Variants in FBXW7 observed in about 807,000 individuals in gnomAD.
The protein encoded by FBXW7 is F-box/WD repeat-containing protein 7.
In FBXW7, 11 loss-of-function variants were observed where a neutral mutation model predicts 86.3. The ratio of observed to expected loss-of-function variants is 0.13; its 90% confidence interval spans 0.08 to 0.21. The LOEUF (loss-of-function observed/expected upper bound fraction) is 0.21, where lower values mean the gene tolerates loss of function less well. Among genes scored for constraint, FBXW7 ranks in the 10% least tolerant of loss-of-function variants. The probability of loss-of-function intolerance (pLI) is 1.00; values close to 1 mark genes in which losing one functional copy is unlikely to be tolerated. For synonymous variants in FBXW7, 313 were observed against 297.9 expected (o/e 1.05, Z -0.52); for missense variants, 488 against 847.4 (o/e 0.58, Z 5.27).
intron 4 of FBXW7, among the ~76,000 whole-genome samples, chr4:152,378,920 C>A (rs1260441805): frequency 6.6e-6 from 1 of 152,102 alleles, no homozygotes; most frequent in Non-Finnish European, 1.5e-5. Context: ...GTGGGAGGAT[C>A]TCTTGCACCC....
intron 2 of FBXW7, among the ~76,000 whole-genome samples, chr4:152,493,224 G>A (rs1746026655): frequency 1.3e-5 from 2 of 151,946 alleles, no homozygotes; most frequent in African/African-American, 4.8e-5. Flanking sequence ...GAGTGCAGTG[G>A]CGCAATCTTG....
At chr4:152,352,761 G>A (rs1340439931) in intron 4 of FBXW7, 5 of 1,609,032 alleles carry the variant, frequency 3.1e-6, no homozygotes, top group South Asian at 1.1e-5. Context: ...AGAAGAACTC[G>A]AGGGAATAAT....
chr4:152,385,163 T>C (rs1038199009), intron 4 of FBXW7, among the ~76,000 whole-genome samples: 1 of 152,016 alleles, frequency 6.6e-6, no homozygotes, highest in Non-Finnish European at 1.5e-5. Flanking sequence ...TTGAAATCAA[T>C]TGGATAATTA....
intron 2 of FBXW7, among the ~76,000 whole-genome samples, chr4:152,522,546 T>C (rs1749122776): frequency 6.6e-6 from 1 of 152,104 alleles, no homozygotes; most frequent in Non-Finnish European, 1.5e-5. Context: ...AGGGCTGGCA[T>C]TCTGGACCAG....
chr4:152,405,361 G>A (rs1174344507), intron 4 of FBXW7, among the ~76,000 whole-genome samples: 1 of 152,108 alleles, frequency 6.6e-6, no homozygotes, highest in Non-Finnish European at 1.5e-5. Context: ...TTAAGATAGG[G>A]GATTTGGACT....
At chr4:152,522,258 T>C (rs1441282046) in intron 2 of FBXW7, among the ~76,000 whole-genome samples, 1 of 152,260 alleles carries the variant, frequency 6.6e-6, no homozygotes, top group East Asian at 1.9e-4. Context: ...TAGCTCGTCA[T>C]AAAAAAATTA....
At chr4:152,511,250 A>G (rs1747936661) in intron 2 of FBXW7, among the ~76,000 whole-genome samples, 1 of 152,074 alleles carries the variant, frequency 6.6e-6, no homozygotes, top group South Asian at 2.1e-4. Context: ...CAGCTTATTT[A>G]AAATCAGGAA....
intron 4 of FBXW7, among the ~76,000 whole-genome samples, chr4:152,369,102 C>T (rs1273977778): frequency 1.3e-5 from 2 of 151,976 alleles, no homozygotes; most frequent in Non-Finnish European, 2.9e-5. Flanking sequence ...GAAAAAAATA[C>T]TCAAAATCTC....
intron 7 of FBXW7, among the ~76,000 whole-genome samples, chr4:152,335,927 C>A (rs1730042281): frequency 6.6e-6 from 1 of 152,102 alleles, no homozygotes; most frequent in Non-Finnish European, 1.5e-5. Flanking sequence ...ATTAGTGAGA[C>A]TTCTGTCAAG....
chr4:152,456,431 G>A (rs1245770710), intron 2 of FBXW7, among the ~76,000 whole-genome samples: 3 of 150,674 alleles, frequency 2.0e-5, no homozygotes, highest in Non-Finnish European at 4.4e-5. Context: ...AGCTACTCAG[G>A]AGGCTGAGGC....
intron 2 of FBXW7, among the ~76,000 whole-genome samples, chr4:152,415,575 G>A (rs1273291624): frequency 6.6e-6 from 1 of 152,052 alleles, no homozygotes; most frequent in African/African-American, 2.4e-5. Flanking sequence ...TTAGGAGTAA[G>A]TACCTGAAAT....
intron 4 of FBXW7, among the ~76,000 whole-genome samples, chr4:152,350,416 T>C (rs757381844): frequency 6.6e-5 from 10 of 151,724 alleles, no homozygotes; most frequent in Non-Finnish European, 1.5e-4. Context: ...ATATCTTTCA[T>C]GTTTTCCAAT....
At chr4:152,471,892 CCTGT>C (rs1273852436) in intron 2 of FBXW7, among the ~76,000 whole-genome samples, 4 of 151,484 alleles carry the variant, frequency 2.6e-5, no homozygotes, top group Non-Finnish European at 5.9e-5. Flanking sequence ...AGAGTGAGAC[CCTGT>C]CTCTTAAAAA....
chr4:152,507,143 C>A (rs973247230), intron 2 of FBXW7, among the ~76,000 whole-genome samples: 2 of 151,794 alleles, frequency 1.3e-5, no homozygotes, highest in Non-Finnish European at 2.9e-5. Flanking sequence ...CAGAAAAGAC[C>A]GAAATATTTA....
At chr4:152,340,865 CCA>C (rs1035292266) in intron 6 of FBXW7, among the ~76,000 whole-genome samples, 17 of 152,224 alleles carry the variant, frequency 1.1e-4, no homozygotes, top group African/African-American at 4.1e-4. Flanking sequence ...ATCTGTATTT[CCA>C]CAGTCTTCCT....
At chr4:152,521,107 G>A (rs1748972980) in intron 2 of FBXW7, among the ~76,000 whole-genome samples, 1 of 152,158 alleles carries the variant, frequency 6.6e-6, no homozygotes, top group Non-Finnish European at 1.5e-5. Context: ...AATGTGGCAG[G>A]AATGTTAGGT....
At chr4:152,349,985 T>A in intron 5 of FBXW7, 57 bp downstream of exon 5, 1 of 979,098 alleles carries the variant, frequency 1.0e-6, no homozygotes. Context: ...TAAAACACTT[T>A]CAGAATCAAC....
At chr4:152,447,395 G>C (rs1031756428) in intron 2 of FBXW7, among the ~76,000 whole-genome samples, 1 of 152,094 alleles carries the variant, frequency 6.6e-6, no homozygotes, top group Non-Finnish European at 1.5e-5. Flanking sequence ...GGAAGGGAGT[G>C]GAAGAGAGTT....
chr4:152,334,259 A>T (rs1729856515), intron 7 of FBXW7, among the ~76,000 whole-genome samples: 1 of 152,198 alleles, frequency 6.6e-6, no homozygotes, highest in Non-Finnish European at 1.5e-5. Context: ...CATTTAAAAT[A>T]AAAAGGTGTA....
Sources: gnomAD v4.1 joint callset for allele counts (sites outside exome capture counted in the v4.1 genomes callset) on GRCh38, gnomAD v4.1.1 for gene constraint, MANE v1.5 for transcripts, NCBI Gene and HGNC (gene_info 2026-07-23, HGNC 2026-07-21) for gene names.